HYAL4: variants seen among roughly 807,000 people sequenced by gnomAD.
HYAL4 encodes hyaluronidase-4.
In HYAL4, 37 loss-of-function variants were observed where a neutral mutation model predicts 35.2. The observed-to-expected ratio is 1.05, with a 90% confidence interval of 0.81 to 1.38. The LOEUF is 1.38. Ranked by LOEUF, HYAL4 falls within the 40% of genes most tolerant of loss-of-function variation. HYAL4 has a pLI of 0.00. For synonymous variants in HYAL4, 198 were observed against 203.2 expected (o/e 0.97, Z 0.22); for missense variants, 572 against 572.4 (o/e 1.00, Z 0.01).
upstream of HYAL4, among the ~76,000 whole-genome samples, chr7:123,840,373 T>G (rs1225026900): frequency 6.6e-6 from 1 of 152,226 alleles, no homozygotes; most frequent in Non-Finnish European, 1.5e-5. Flanking sequence ...AGTACCATGC[T>G]GTTTTGGTTA....
At position 123,869,223 on chromosome 7, in the gene HYAL4, C is replaced by G. The variant is rs1377753558; in HGVS notation, c.950C>G (p.Ser317Cys). The change falls in exon 3 of 5, where the codon TCT (serine) becomes TGT (cysteine). Residue 317 changes from serine to cysteine, a missense_variant. Ser to Cys is a moderately radical substitution (Grantham distance 112, BLOSUM62 -1). Transcript: ENST00000223026. ...GYRDEPLFFLSKQDLVSTIGE... is the reference protein window; with the variant it reads ...GYRDEPLFFLCKQDLVSTIGE... ...AGAGATGAACCTTTATTTTTCCTTT[C>G]TAAGGTAAGAAGCTTCTTGTCCAAT... 4 of 1,583,058 alleles carry G rather than the reference C, an allele frequency of 2.5e-6. No homozygotes were observed. The highest frequency in any genetic ancestry group is 3.4e-6 in the Non-Finnish European group (4 of 1,162,894).
chr7:123,834,123 T>C (rs190451241), intron 1 of HYAL4, among the ~76,000 whole-genome samples: 3 of 152,202 alleles, frequency 2.0e-5, no homozygotes, highest in Non-Finnish European at 4.4e-5. Context: ...CTATGAAGAA[T>C]CATGGTGGTA....
intron 2 of HYAL4, among the ~76,000 whole-genome samples, chr7:123,850,749 C>T (rs530431094): frequency 2.6e-5 from 4 of 152,286 alleles, no homozygotes; most frequent in African/African-American, 9.6e-5. Flanking sequence ...CTTTGATACA[C>T]TATATTGGGT....
the HYAL4 span, among the ~76,000 whole-genome samples, chr7:123,775,720 A>T: frequency 6.6e-6 from 1 of 152,190 alleles, no homozygotes; most frequent in East Asian, 1.9e-4. Flanking sequence ...TGTCATCTTT[A>T]GATGTCTTTA....
At chr7:123,801,286 G>A in the HYAL4 span, among the ~76,000 whole-genome samples, 2 of 152,142 alleles carry the variant, frequency 1.3e-5, no homozygotes, top group African/African-American at 4.8e-5. Flanking sequence ...TTTTAAAAAT[G>A]ATTGTCTTTT....
intron 3 of HYAL4, among the ~76,000 whole-genome samples, chr7:123,872,932 C>A (rs1443108026): frequency 1.3e-5 from 2 of 152,196 alleles, no homozygotes; most frequent in African/African-American, 2.4e-5. Context: ...TTACTATAGA[C>A]CAATAATCTA....
chr7:123,768,395 A>G, the HYAL4 span, among the ~76,000 whole-genome samples: 8 of 152,220 alleles, frequency 5.3e-5, no homozygotes, highest in Non-Finnish European at 5.9e-5. Context: ...GTAAAGACCT[A>G]TCTTATTAGG....
At chr7:123,834,083 G>T (rs957175921) in intron 1 of HYAL4, among the ~76,000 whole-genome samples, 1 of 151,902 alleles carries the variant, frequency 6.6e-6, no homozygotes, top group Non-Finnish European at 1.5e-5. Flanking sequence ...TTTTGGTTCC[G>T]TAGGAATTTT....
chr7:123,825,835 C>G (rs147628063), upstream of HYAL4, among the ~76,000 whole-genome samples: 1 of 152,074 alleles, frequency 6.6e-6, no homozygotes, highest in East Asian at 1.9e-4. Context: ...TTTTCTAATT[C>G]ATAAATTTAT....
At chr7:123,831,729 C>G (rs1805885426) in intron 1 of HYAL4, among the ~76,000 whole-genome samples, 1 of 152,122 alleles carries the variant, frequency 6.6e-6, no homozygotes, top group South Asian at 2.1e-4. Flanking sequence ...GCCCCCCTCC[C>G]CATGCGTTTG....
chr7:123,807,783 G>A, the HYAL4 span, among the ~76,000 whole-genome samples: 1 of 151,682 alleles, frequency 6.6e-6, no homozygotes, highest in Non-Finnish European at 1.5e-5. Context: ...CCAGGCTGGA[G>A]TGCAGTGGCA....
rs181377811 is a variant in HYAL4 at position 123,862,835 on chromosome 7, T to C, written c.-51-5388T>C. On this transcript the variant is annotated intron_variant, in intron 2 of 4. Coordinates refer to ENST00000223026, the MANE Select transcript of HYAL4 (RefSeq NM_012269.3). Reference sequence around the variant, plus strand: ...CCAGTTAAGCCCATGGCAGACAATGTCATTCTTCTTTCAAAGCCCACCACA... The same window carrying C: ...CCAGTTAAGCCCATGGCAGACAATGCCATTCTTCTTTCAAAGCCCACCACA... 1.0e-3 allele frequency among the ~76,000 whole-genome samples: 155 copies of C among 152,302 alleles called. 2 individuals are homozygous for C. Among genetic ancestry groups the C allele is most frequent in the Non-Finnish European group, 1.2e-3 (85 of 68,042 alleles).
At chr7:123,844,826 G>A (rs1806142737), upstream of HYAL4, among the ~76,000 whole-genome samples, 1 of 152,160 alleles carries the variant, frequency 6.6e-6, no homozygotes, top group Admixed American at 6.5e-5. Context: ...GTGGGCGTGG[G>A]ACCCACCGAG....
intron 2 of HYAL4, among the ~76,000 whole-genome samples, chr7:123,857,707 T>G (rs1806484352): frequency 6.6e-6 from 1 of 151,454 alleles, no homozygotes; most frequent in Admixed American, 6.6e-5. Flanking sequence ...CTTTCTTTCT[T>G]TCTTTCTTTC....
At chr7:123,859,250 C>G (rs545968468) in intron 2 of HYAL4, among the ~76,000 whole-genome samples, 2 of 152,226 alleles carry the variant, frequency 1.3e-5, no homozygotes, top group Non-Finnish European at 2.9e-5. Flanking sequence ...TATCCAATTT[C>G]TCCACATACT....
chr7:123,835,618 G>A (rs2456554), intron 1 of HYAL4, among the ~76,000 whole-genome samples: 21,181 of 151,752 alleles, frequency 0.14, 1,843 homozygotes, highest in African/African-American at 0.24. Flanking sequence ...ATTCTACTGG[G>A]TGTGGGTCTG....
chr7:123,796,436 A>G, the HYAL4 span, among the ~76,000 whole-genome samples: 1 of 152,228 alleles, frequency 6.6e-6, no homozygotes, highest in Non-Finnish European at 1.5e-5. Context: ...AATCAACTAT[A>G]TGAGATGCTA....
chr7:123,871,225 T>C (rs1340466917), intron 3 of HYAL4, among the ~76,000 whole-genome samples: 1 of 151,044 alleles, frequency 6.6e-6, no homozygotes, highest in African/African-American at 2.4e-5. Context: ...GGAGTTTCCC[T>C]CTGTCTCCCA....
intron 1 of HYAL4, among the ~76,000 whole-genome samples, chr7:123,838,994 A>AATT (rs777858757): frequency 6.6e-6 from 1 of 151,128 alleles, no homozygotes; most frequent in Non-Finnish European, 1.5e-5. Flanking sequence ...TTTTTTTTTA[A>AATT]ATTATTATTA....
Sources: allele counts gnomAD v4.1 joint callset (sites outside exome capture counted in the v4.1 genomes callset), GRCh38; gene constraint gnomAD v4.1.1; transcripts MANE v1.5; gene names NCBI Gene and HGNC (gene_info 2026-07-23, HGNC 2026-07-21).